LRRC4C: variants seen among roughly 807,000 people sequenced by gnomAD.
LRRC4C encodes leucine-rich repeat-containing protein 4C.
Under a neutral mutation model 33.6 loss-of-function variants are expected in LRRC4C, and 5 were observed. The ratio of observed to expected loss-of-function variants is 0.15; its 90% CI spans 0.08 to 0.31. The LOEUF (loss-of-function observed/expected upper bound fraction) is 0.31. Among genes scored for constraint, LRRC4C ranks in the 10% least tolerant of loss-of-function variants. The pLI is 1.00. For missense variants in LRRC4C, 560 were observed against 796.7 expected (o/e 0.70, Z 3.58); for synonymous variants, 329 against 302.0 (o/e 1.09, Z -0.93).
chr11:40,376,790 A>C (rs1948677341), intron 3 of LRRC4C, among the ~76,000 whole-genome samples: 1 of 151,804 alleles, frequency 6.6e-6, no homozygotes, highest in Non-Finnish European at 1.5e-5. Flanking sequence ...TGTGTCTACT[A>C]CCTACATAGT....
rs527444081 is a variant in LRRC4C, at chr11:40,154,966, C to T, written c.-95-14113G>A. Among the ~76,000 whole-genome samples the T allele has an allele frequency of 3.3e-5, 5 of 152,170 alleles. No individual in the cohort carries two copies. The East Asian group carries it at 9.7e-4, about 29-fold the overall frequency. ...CCATATGATAGGCCATAAAATGAGC[C>T]TCAATAAATTGAAGAAAATTGAAAT... On this transcript the variant is annotated intron_variant, in intron 5 of 6. Coordinates refer to ENST00000528697, the MANE Select transcript of LRRC4C (RefSeq NM_001258419.2).
intron 3 of LRRC4C, among the ~76,000 whole-genome samples, chr11:40,365,224 T>C (rs1318511683): frequency 6.6e-6 from 1 of 152,100 alleles, no homozygotes; most frequent in Non-Finnish European, 1.5e-5. Context: ...ATGTATCATA[T>C]ATACGATTTA....
chr11:40,749,570 A>C (rs1447646638), intron 2 of LRRC4C, among the ~76,000 whole-genome samples: 2 of 151,870 alleles, frequency 1.3e-5, no homozygotes, highest in Non-Finnish European at 2.9e-5. Flanking sequence ...ATAAATTAGA[A>C]AAGCAAGAAT....
At chr11:41,258,112 T>G (rs750663234) in intron 1 of LRRC4C, among the ~76,000 whole-genome samples, 4 of 151,968 alleles carry the variant, frequency 2.6e-5, no homozygotes, top group Non-Finnish European at 5.9e-5. Flanking sequence ...GAACCCGATT[T>G]CAACACATGG....
chr11:40,356,058 T>C (rs1947655840), intron 3 of LRRC4C, among the ~76,000 whole-genome samples: 1 of 152,260 alleles, frequency 6.6e-6, no homozygotes, highest in Admixed American at 6.5e-5. Flanking sequence ...GCTCTGGCAC[T>C]CAGTGACTGT....
At chr11:41,243,781 G>A (rs992567795) in intron 1 of LRRC4C, among the ~76,000 whole-genome samples, 1 of 151,924 alleles carries the variant, frequency 6.6e-6, no homozygotes, top group Non-Finnish European at 1.5e-5. Flanking sequence ...CTTTAACCAG[G>A]GCTAGACCAC....
chr11:40,373,827 A>G (rs1406572571), intron 3 of LRRC4C, among the ~76,000 whole-genome samples: 1 of 152,138 alleles, frequency 6.6e-6, no homozygotes, highest in Non-Finnish European at 1.5e-5. Context: ...CTTCTGCCAC[A>G]AGTTAAAGCT....
intron 2 of LRRC4C, among the ~76,000 whole-genome samples, chr11:40,897,464 A>G (rs1955995695): frequency 6.6e-6 from 1 of 152,160 alleles, no homozygotes; most frequent in Non-Finnish European, 1.5e-5. Flanking sequence ...ATGTCATCAG[A>G]TCAAATGTTA....
intron 5 of LRRC4C, among the ~76,000 whole-genome samples, chr11:40,173,772 T>C (rs1200764702): frequency 6.6e-6 from 1 of 152,226 alleles, no homozygotes; most frequent in Non-Finnish European, 1.5e-5. Flanking sequence ...ACATAGTTTC[T>C]GTCTCTGGCT....
At chr11:40,593,414 A>G (rs1959147586) in intron 3 of LRRC4C, among the ~76,000 whole-genome samples, 1 of 152,226 alleles carries the variant, frequency 6.6e-6, no homozygotes, top group Admixed American at 6.5e-5. Context: ...ATTAAGATAC[A>G]CAATTATCAA....
intron 3 of LRRC4C, among the ~76,000 whole-genome samples, chr11:40,398,395 C>A (rs1167774750): frequency 6.6e-6 from 1 of 152,066 alleles, no homozygotes; most frequent in Non-Finnish European, 1.5e-5. Flanking sequence ...AGCCAAGAGA[C>A]TATACCTGCC....
At chr11:40,353,442 G>A (rs1029141727) in intron 3 of LRRC4C, among the ~76,000 whole-genome samples, 1 of 152,076 alleles carries the variant, frequency 6.6e-6, no homozygotes, top group Non-Finnish European at 1.5e-5. Context: ...TTCAGGCCAG[G>A]TGCAGTGGCT....
intron 3 of LRRC4C, among the ~76,000 whole-genome samples, chr11:40,457,103 G>GAAAAAA (rs74671900): frequency 3.8e-5 from 3 of 78,848 alleles, no homozygotes; most frequent in Non-Finnish European, 5.7e-5. Flanking sequence ...TCTTAAAAAA[G>GAAAAAA]AAAAAAAAAA....
chr11:41,313,605 T>C (rs1165903150), intron 1 of LRRC4C, among the ~76,000 whole-genome samples: 1 of 152,204 alleles, frequency 6.6e-6, no homozygotes, highest in Non-Finnish European at 1.5e-5. Flanking sequence ...GGGATAGAGA[T>C]AGTGCTTAGA....
At chr11:41,426,785 T>C (rs1347591270) in intron 1 of LRRC4C, among the ~76,000 whole-genome samples, 1 of 152,168 alleles carries the variant, frequency 6.6e-6, no homozygotes, top group Non-Finnish European at 1.5e-5. Flanking sequence ...GTTACTCATA[T>C]AACTAGAGTC....
chr11:40,458,604 C>G (rs961964444), intron 3 of LRRC4C, among the ~76,000 whole-genome samples: 2 of 152,052 alleles, frequency 1.3e-5, no homozygotes, highest in Non-Finnish European at 2.9e-5. Flanking sequence ...TTGGTTTTCC[C>G]ATCATTCTCA....
Position 40,281,667 on chromosome 11 carries a change from C to T in LRRC4C, c.-176+37961G>A, listed in dbSNP as rs537756381. Among the ~76,000 whole-genome samples, 9 of 152,212 alleles carry T rather than the reference C, an allele frequency of 5.9e-5. No individual in the cohort carries two copies. In the East Asian group the frequency reaches 1.7e-3, roughly 29 times the overall value. On this transcript the variant is annotated intron_variant, in intron 4 of 6. Transcript: ENST00000528697. ...TGTCCATTGCCCTGAAATTAAATTC[C>T]TTAGTACTACAGTTCTTTAGATTAA...
chr11:40,471,682 C>CAA (rs3041120), intron 3 of LRRC4C, among the ~76,000 whole-genome samples: 19,712 of 130,768 alleles, frequency 0.15, 1,888 homozygotes, highest in East Asian at 0.45. Context: ...AATGGAAAGC[C>CAA]AAAAAAAAAA....
chr11:40,450,205 T>A (rs912362467), intron 3 of LRRC4C, among the ~76,000 whole-genome samples: 14 of 152,202 alleles, frequency 9.2e-5, no homozygotes, highest in African/African-American at 3.4e-4. Flanking sequence ...AATATTTATG[T>A]TTGATTAGTT....
Sources: allele counts gnomAD v4.1 joint callset (sites outside exome capture counted in the v4.1 genomes callset), GRCh38; gene constraint gnomAD v4.1.1; transcripts MANE v1.5; gene names NCBI Gene and HGNC (gene_info 2026-07-23, HGNC 2026-07-21).